QTMAN: variants seen among roughly 807,000 people sequenced by gnomAD.
The protein encoded by QTMAN is tRNA-queuosine alpha-mannosyltransferase.
At chr2:144,121,719 G>C in the QTMAN span, among the ~76,000 whole-genome samples, 10 of 152,202 alleles carry the variant, frequency 6.6e-5, 1 homozygote, top group Admixed American at 2.0e-4. Flanking sequence ...ATAAAATCCT[G>C]TAAGGAAATA....
the QTMAN span, among the ~76,000 whole-genome samples, chr2:144,173,754 G>GGA: frequency 0.087 from 13,263 of 152,158 alleles, 1,207 homozygotes; most frequent in African/African-American, 0.23. Context: ...GTTGGATGGG[G>GGA]GTTCTCGTGA....
At chr2:144,133,450 ATATATAATATATAT>A in the QTMAN span, among the ~76,000 whole-genome samples, 23 of 63,160 alleles carry the variant, frequency 3.6e-4, 1 homozygote, top group East Asian at 3.2e-3. Flanking sequence ...ATAATATATA[ATATATAATATATAT>A]TATATATTAT....
chr2:143,953,494 C>A, the QTMAN span, among the ~76,000 whole-genome samples: 1 of 151,964 alleles, frequency 6.6e-6, no homozygotes, highest in South Asian at 2.1e-4. Context: ...GCAAAGAATG[C>A]TTGTATTATT....
At chr2:144,164,729 T>C in the QTMAN span, among the ~76,000 whole-genome samples, 2 of 152,140 alleles carry the variant, frequency 1.3e-5, no homozygotes, top group African/African-American at 4.8e-5. Flanking sequence ...ATGATCCAAT[T>C]TGGTTAAATT....
chr2:144,244,610 G>A, the QTMAN span, among the ~76,000 whole-genome samples: 5 of 152,124 alleles, frequency 3.3e-5, no homozygotes, highest in Non-Finnish European at 7.4e-5. Context: ...TATTGTCTTA[G>A]TAAGTACAGA....
the QTMAN span, among the ~76,000 whole-genome samples, chr2:144,252,363 A>T: frequency 6.6e-6 from 1 of 152,192 alleles, no homozygotes; most frequent in Non-Finnish European, 1.5e-5. Flanking sequence ...TGGGTGAAAG[A>T]GCAAGACCCT....
the QTMAN span, among the ~76,000 whole-genome samples, chr2:144,290,651 C>T: frequency 6.6e-6 from 1 of 152,324 alleles, no homozygotes; most frequent in East Asian, 1.9e-4. Flanking sequence ...CAGGTCACCC[C>T]ATTACAGACA....
the QTMAN span, among the ~76,000 whole-genome samples, chr2:143,956,710 C>T: frequency 6.6e-6 from 1 of 152,058 alleles, no homozygotes. Flanking sequence ...TGTCCTCCTC[C>T]ATGATGATAG....
At chr2:144,222,112 T>A in the QTMAN span, among the ~76,000 whole-genome samples, 3 of 151,850 alleles carry the variant, frequency 2.0e-5, no homozygotes, top group African/African-American at 7.3e-5. Context: ...CAGGCTGGAG[T>A]GCAGTGGCGT....
the QTMAN span, among the ~76,000 whole-genome samples, chr2:144,087,769 C>T: frequency 4.6e-5 from 7 of 152,150 alleles, no homozygotes; most frequent in African/African-American, 1.7e-4. Flanking sequence ...TATAAAAACT[C>T]ACCAATCTAG....
chr2:144,027,666 A>T, the QTMAN span, among the ~76,000 whole-genome samples: 1 of 152,198 alleles, frequency 6.6e-6, no homozygotes, highest in African/African-American at 2.4e-5. Flanking sequence ...ATTTGCTTCT[A>T]AACTTTAAAG....
chr2:144,128,509 T>C, the QTMAN span, among the ~76,000 whole-genome samples: 1 of 152,062 alleles, frequency 6.6e-6, no homozygotes, highest in Non-Finnish European at 1.5e-5. Context: ...CCTGAAGAAA[T>C]GGATCTATTT....
the QTMAN span, among the ~76,000 whole-genome samples, chr2:144,080,480 C>T: frequency 6.6e-6 from 1 of 152,108 alleles, no homozygotes; most frequent in Non-Finnish European, 1.5e-5. Flanking sequence ...TATATAACAT[C>T]ATATTCATTT....
chr2:143,993,050 T>C, the QTMAN span, among the ~76,000 whole-genome samples: 1 of 152,244 alleles, frequency 6.6e-6, no homozygotes, highest in Non-Finnish European at 1.5e-5. Flanking sequence ...TGAACTTTTC[T>C]GTATTTTTAA....
the QTMAN span, among the ~76,000 whole-genome samples, chr2:144,290,660 C>T: frequency 6.6e-6 from 1 of 152,198 alleles, no homozygotes; most frequent in African/African-American, 2.4e-5. Context: ...CCATTACAGA[C>T]ACACTGTCCT....
the QTMAN span, among the ~76,000 whole-genome samples, chr2:144,182,401 G>A: frequency 6.6e-6 from 1 of 152,006 alleles, no homozygotes; most frequent in Admixed American, 6.6e-5. Flanking sequence ...AGCACTTTGG[G>A]AGGCCGAAGT....
At chr2:144,231,842 A>AGG in the QTMAN span, among the ~76,000 whole-genome samples, 1 of 120,030 alleles carries the variant, frequency 8.3e-6, no homozygotes, top group Middle Eastern at 4.3e-3. Context: ...AGAATGAAAG[A>AGG]GGTGTGTGTG....
the QTMAN span, among the ~76,000 whole-genome samples, chr2:144,286,357 C>G: frequency 6.6e-6 from 1 of 152,186 alleles, no homozygotes; most frequent in Non-Finnish European, 1.5e-5. Flanking sequence ...GCTATACTCA[C>G]AGTAAGTTAA....
At chr2:144,267,715 A>G in the QTMAN span, among the ~76,000 whole-genome samples, 4 of 152,290 alleles carry the variant, frequency 2.6e-5, no homozygotes, top group Admixed American at 1.3e-4. Flanking sequence ...AAATCTCCTG[A>G]AAGTTATATT....
Sources: gnomAD v4.1 joint callset for allele counts (sites outside exome capture counted in the v4.1 genomes callset) on GRCh38, gnomAD v4.1.1 for gene constraint, MANE v1.5 for transcripts, NCBI Gene and HGNC (gene_info 2026-07-23, HGNC 2026-07-21) for gene names.